Variants in NAF1 observed in about 807,000 individuals in gnomAD.
NAF1 encodes the protein H/ACA ribonucleoprotein complex non-core subunit NAF1.
Under a neutral mutation model 40.6 loss-of-function variants are expected in NAF1, and 11 were observed. The ratio of observed to expected loss-of-function variants is 0.27; its 90% CI spans 0.17 to 0.45. The LOEUF (loss-of-function observed/expected upper bound fraction) is 0.45, where lower values mean the gene tolerates loss of function less well. NAF1 is among the 20% of genes least tolerant of loss of function. NAF1 has a pLI of 1.00. For missense variants in NAF1, 607 were observed against 611.1 expected, an observed-to-expected ratio of 0.99 and a Z score of 0.07; for synonymous variants, 260 against 228.5, an observed-to-expected ratio of 1.14 and a Z score of -1.24.
intron 2 of NAF1, among the ~76,000 whole-genome samples, chr4:163,155,026 G>A (rs1731919859): frequency 6.6e-6 from 1 of 152,158 alleles, no homozygotes; most frequent in East Asian, 1.9e-4. Context: ...GGTTCAAAGG[G>A]GATAGATCTC....
At chr4:163,153,652 A>C (rs993497539) in intron 2 of NAF1, among the ~76,000 whole-genome samples, 2 of 152,056 alleles carry the variant, frequency 1.3e-5, no homozygotes, top group Non-Finnish European at 2.9e-5. Context: ...AACTAATCTG[A>C]TGGGGACATG....
In NAF1 at chr4:163,148,378, C is replaced by T. The variant is rs992322252; in HGVS notation, c.597G>A (p.Lys199=). The stretch of plus-strand genomic sequence containing the variant: ...TAATACTTGAAACCATCCCAAGAGG[C>T]TTTAACTCAATATCTTCAGGCAGAA... ...TIILPEDIEL[K]PLGMVSSIIE... is the part of the protein sequence containing the mutation. Residue 199 remains lysine (K), a synonymous_variant, in exon 3 of 8, where the codon AAG becomes AAA. Transcript: ENST00000274054. 14 of 1,581,832 alleles carry T rather than the reference C, an allele frequency of 8.9e-6. No homozygotes were observed. The highest frequency in any genetic ancestry group is 1.2e-5 in the Non-Finnish European group (14 of 1,169,306).
chr4:163,133,397 A>G (rs1730944389), intron 6 of NAF1, 141 bp from the exon 7 acceptor site: 6 of 584,848 alleles, frequency 1.0e-5, no homozygotes, highest in Admixed American at 3.0e-5. Context: ...AATATTTTCT[A>G]TATCTGAATT....
In NAF1 at chr4:163,166,692, T is replaced by C. The variant is rs959538930; in HGVS notation, c.36A>G (p.Glu12=). Residue 12 remains glutamate (E), a synonymous_variant, in exon 1 of 8, where the codon GAA becomes GAG. Coordinates refer to ENST00000274054, the MANE Select transcript of NAF1 (RefSeq NM_138386.3). ...EVVEAAAAQL[E]TLKFNGTDFG... is the part of the protein sequence containing the mutation. ...AGTCGGTGCCATTGAATTTCAGAGT[T>C]TCCAGCTGAGCGGCGGCGGCCTCCA... 2.4e-5 allele frequency: 38 copies of C among 1,613,592 alleles called. No homozygotes were observed. The highest frequency in any genetic ancestry group is 1.6e-4 in the Middle Eastern group (1 of 6,084).
chr4:163,157,511 G>A (rs1028582388), intron 2 of NAF1: 1 of 151,708 alleles, frequency 6.6e-6, no homozygotes, highest in African/African-American at 2.4e-5. Context: ...AATGGCTAAC[G>A]ACAATTTAAA....
chr4:163,107,984 T>C (rs954417471), downstream of NAF1, among the ~76,000 whole-genome samples: 3 of 152,178 alleles, frequency 2.0e-5, no homozygotes, highest in Non-Finnish European at 4.4e-5. Flanking sequence ...AATTGAAACA[T>C]CAGAAATAGA....
chr4:163,105,715 C>T (rs1247845203), downstream of NAF1, among the ~76,000 whole-genome samples: 2 of 152,048 alleles, frequency 1.3e-5, no homozygotes, highest in Non-Finnish European at 2.9e-5. Context: ...GATATACTTC[C>T]TTTTGGTTAA....
chr4:163,122,303 TTGC>T (rs1282308173), downstream of NAF1, among the ~76,000 whole-genome samples: 2 of 152,196 alleles, frequency 1.3e-5, no homozygotes, highest in African/African-American at 2.4e-5. Context: ...TTAAATATAG[TTGC>T]TGTTCACCAG....
At chr4:163,117,824 A>AGAT (rs915127896) in intron 2 of NAF1, among the ~76,000 whole-genome samples, 5 of 152,170 alleles carry the variant, frequency 3.3e-5, no homozygotes, top group Non-Finnish European at 7.4e-5. Flanking sequence ...GATCATATAA[A>AGAT]GATCAACCCA....
At chr4:163,112,515 C>T (rs975227810) in intron 2 of NAF1, among the ~76,000 whole-genome samples, 2 of 152,112 alleles carry the variant, frequency 1.3e-5, no homozygotes, top group African/African-American at 4.8e-5. Context: ...TTAACCAACC[C>T]AAAGAGAGCT....
At chr4:163,125,358 GA>G (rs1300515794), downstream of NAF1, among the ~76,000 whole-genome samples, 1 of 152,182 alleles carries the variant, frequency 6.6e-6, no homozygotes, top group Non-Finnish European at 1.5e-5. Context: ...CGAATGCAAA[GA>G]AAAAGTTCTT....
At chr4:163,140,615 A>T (rs1560792511) in intron 4 of NAF1, among the ~76,000 whole-genome samples, 1 of 152,234 alleles carries the variant, frequency 6.6e-6, no homozygotes, top group Non-Finnish European at 1.5e-5. Flanking sequence ...TGAATGTGAA[A>T]CAATAGTAAC....
chr4:163,158,713 A>C (rs1374131357), intron 2 of NAF1, among the ~76,000 whole-genome samples: 1 of 152,064 alleles, frequency 6.6e-6, no homozygotes, highest in African/African-American at 2.4e-5. Flanking sequence ...TCAATAAGAA[A>C]CCTCCAACAA....
At position 163,166,781 on chromosome 4, in the gene NAF1, C is replaced by A. The variant is rs1478594067; in HGVS notation, c.-54G>T. The A allele has an allele frequency of 2.5e-6, 4 of 1,603,124 alleles. No homozygotes were observed. Among genetic ancestry groups the A allele is most frequent in the South Asian group, 1.1e-5 (1 of 89,696 alleles). On this transcript the variant is annotated 5_prime_UTR_variant, in exon 1 of 8. Transcript: ENST00000274054. ...CAGGATTGGGGCCCCTGGACAAGCT[C>A]ACGGCTCTCTCCAGAAATAGAAAAA...
intron 2 of NAF1, among the ~76,000 whole-genome samples, chr4:163,112,108 G>A (rs959723529): frequency 6.6e-6 from 1 of 152,028 alleles, no homozygotes; most frequent in Non-Finnish European, 1.5e-5. Context: ...TCAGTAGCTG[G>A]TGAAATGGGC....
downstream of NAF1, chr4:163,128,621 T>G: frequency 1.8e-6 from 1 of 569,128 alleles, no homozygotes; most frequent in Non-Finnish European, 2.3e-6. Flanking sequence ...TATATATATA[T>G]ATAGTTTAAC....
intron 2 of NAF1, among the ~76,000 whole-genome samples, chr4:163,151,811 G>C (rs1731719854): frequency 6.6e-6 from 1 of 151,928 alleles, no homozygotes; most frequent in African/African-American, 2.4e-5. Flanking sequence ...AATTACAGTT[G>C]TCTTCATAAA....
downstream of NAF1, chr4:163,127,191 G>A: frequency 1.3e-6 from 2 of 1,483,156 alleles, no homozygotes; most frequent in Non-Finnish European, 1.8e-6. Context: ...GTGCAATGGT[G>A]TGATCTCAGC....
chr4:163,146,552 T>A (rs1265470720), intron 3 of NAF1, among the ~76,000 whole-genome samples: 1 of 152,210 alleles, frequency 6.6e-6, no homozygotes, highest in African/African-American at 2.4e-5. Flanking sequence ...AAGAACACTG[T>A]TACATTACAT....
Sources: allele counts gnomAD v4.1 joint callset (sites outside exome capture counted in the v4.1 genomes callset), GRCh38; gene constraint gnomAD v4.1.1; transcripts MANE v1.5; gene names NCBI Gene and HGNC (gene_info 2026-07-23, HGNC 2026-07-21).